Variants in GSPT1 observed in about 807,000 individuals in gnomAD.
The protein encoded by GSPT1 is G1 to S phase transition 1, also known as eukaryotic peptide chain release factor GTP-binding subunit ERF3A.
In GSPT1, 20 loss-of-function variants were observed where a neutral mutation model predicts 72.5. That is an observed-to-expected ratio of 0.28 (90% CI 0.19 to 0.40). GSPT1 has a LOEUF of 0.40. GSPT1 is among the 10% of genes least tolerant of loss of function. The probability of loss-of-function intolerance (pLI) is 1.00; values close to 1 mark genes in which losing one functional copy is unlikely to be tolerated. For missense variants in GSPT1, 580 were observed against 811.9 expected (o/e 0.71, Z 3.47); for synonymous variants, 334 against 293.5 (o/e 1.14, Z -1.41).
chr16:11,884,514 C>T (rs1249613991), intron 10 of GSPT1, among the ~76,000 whole-genome samples: 2 of 152,216 alleles, frequency 1.3e-5, no homozygotes, highest in African/African-American at 2.4e-5. Context: ...AAGCCCAGCA[C>T]TTTGGGAAGC....
intron 1 of GSPT1, among the ~76,000 whole-genome samples, chr16:11,904,363 T>C (rs1435794384): frequency 6.6e-6 from 1 of 151,936 alleles, no homozygotes; most frequent in Non-Finnish European, 1.5e-5. Context: ...CCACCACGCC[T>C]GGGTAATTTT....
chr16:11,883,970 T>C (rs2054156599), intron 10 of GSPT1, among the ~76,000 whole-genome samples: 1 of 151,558 alleles, frequency 6.6e-6, no homozygotes, highest in Non-Finnish European at 1.5e-5. Context: ...AGATCTGAAC[T>C]GTTTGTACAA....
At chr16:11,914,970 G>A (rs906867690) in intron 1 of GSPT1, 2 of 1,270,024 alleles carry the variant, frequency 1.6e-6, no homozygotes, top group Non-Finnish European at 2.1e-6. Context: ...CCCAACTCCT[G>A]GGATCTCTAA....
chr16:11,897,183 TTC>T (rs916968089), intron 3 of GSPT1, among the ~76,000 whole-genome samples: 13 of 152,226 alleles, frequency 8.5e-5, no homozygotes, highest in African/African-American at 3.1e-4. Context: ...AGGAAATATT[TTC>T]TTTTTCCTCT....
intron 1 of GSPT1, among the ~76,000 whole-genome samples, chr16:11,902,404 C>CAAAA (rs775362322): frequency 4.1e-4 from 25 of 61,498 alleles, no homozygotes; most frequent in African/African-American, 9.4e-4. Flanking sequence ...GACTCTGTCT[C>CAAAA]AAAAAAAAAA....
chr16:11,887,689 C>T lies in GSPT1; in HGVS notation c.838G>A (p.Val280Met). ...TCGGTTTCAAAATAGGCACGACCCA[C>T]TTCTACTGTTTTACCCTTGTCTCGT... ...EERDKGKTVEVGRAYFETEKK... is the reference protein window; with the variant it reads ...EERDKGKTVEMGRAYFETEKK... Residue 280 changes from valine to methionine, a missense_variant, in exon 7 of 15, where the codon GTG becomes ATG. Around this residue, in one of 6 missense-constraint regions of GSPT1, gnomAD observed 51 missense variants for 118.2 expected, o/e 0.43. Transcript: ENST00000434724. The T allele has an allele frequency of 6.2e-7, 1 of 1,613,354 alleles. No individual in the cohort carries two copies. The highest frequency in any genetic ancestry group is 8.5e-7 in the Non-Finnish European group (1 of 1,179,286).
chr16:11,882,968 GA>G (rs745861032), intron 11 of GSPT1, 46 bp downstream of exon 11: 8 of 1,265,314 alleles, frequency 6.3e-6, no homozygotes, highest in East Asian at 4.6e-5. Context: ...TAAAGAAAAA[GA>G]AAAAAAATCA....
chr16:11,876,314 G>A (rs2054045655), intron 12 of GSPT1, 139 bp from the exon 13 acceptor site: 2 of 672,438 alleles, frequency 3.0e-6, no homozygotes, highest in East Asian at 2.6e-5. Flanking sequence ...TGTGTTAGAG[G>A]TGATAGGTTT....
intron 14 of GSPT1, 48 bp from the exon 15 acceptor site, chr16:11,873,219 T>C (rs2053997956): frequency 2.3e-6 from 2 of 869,508 alleles, no homozygotes; most frequent in Non-Finnish European, 3.8e-6. Context: ...ACAGCAAGTC[T>C]ATATAAGATA....
intron 1 of GSPT1, chr16:11,914,961 C>G (rs1321605809): frequency 1.3e-5 from 16 of 1,247,550 alleles, no homozygotes; most frequent in Non-Finnish European, 1.7e-5. Flanking sequence ...TTCGTCCTCC[C>G]CAACTCCTGG....
rs1320298446 is a variant in GSPT1 at position 11,871,546 on chromosome 16, G to A, written c.*1573C>T. On this transcript the variant is annotated 3_prime_UTR_variant, in exon 15 of 15. Coordinates refer to ENST00000434724, the MANE Select transcript of GSPT1 (RefSeq NM_002094.4). The stretch of plus-strand genomic sequence containing the variant: ...CGAGCCACTGCACTCCAGCCTAGGT[G>A]ACAGAGTGAGCCTCTGTCTCAAAAC... 2 of 152,178 alleles carry A rather than the reference G, an allele frequency of 1.3e-5. No individual in the cohort carries two copies. Among genetic ancestry groups the A allele is most frequent in the South Asian group, 2.1e-4 (1 of 4,832 alleles). The allele number at this position is 152,178 out of a possible 1,614,324, so 9.4% of individuals were successfully genotyped here.
chr16:11,878,147 C>A (rs747863624), intron 11 of GSPT1, among the ~76,000 whole-genome samples: 2 of 152,114 alleles, frequency 1.3e-5, no homozygotes, highest in Admixed American at 6.5e-5. Flanking sequence ...CAGAGTTTTG[C>A]TCTTGTTGCC....
At chr16:11,914,778 T>G (rs995776388) in intron 1 of GSPT1, among the ~76,000 whole-genome samples, 19 of 152,324 alleles carry the variant, frequency 1.2e-4, no homozygotes, top group East Asian at 7.7e-4. Context: ...AAACAGATCT[T>G]GGTATTGATA....
intron 1 of GSPT1, among the ~76,000 whole-genome samples, chr16:11,901,136 G>A (rs188890534): frequency 2.4e-4 from 37 of 152,082 alleles, no homozygotes; most frequent in African/African-American, 7.0e-4. Context: ...CAGCCTGGGC[G>A]AGAGAGTGAC....
chr16:11,900,225 C>G (rs368325098), intron 1 of GSPT1, among the ~76,000 whole-genome samples: 1 of 151,578 alleles, frequency 6.6e-6, no homozygotes, highest in Non-Finnish European at 1.5e-5. Context: ...CCCAGCTACT[C>G]GGGAGGCCAA....
In GSPT1 at chr16:11,873,167, CT is replaced by C; in HGVS notation, c.1865del (p.Lys622ArgfsTer9). The C allele has an allele frequency of 6.4e-7, 1 of 1,558,398 alleles. No homozygotes were observed. Among genetic ancestry groups the C allele is most frequent in the Non-Finnish European group, 8.8e-7 (1 of 1,130,618 alleles). ...MGRFTLRDEG[K>X]TIAIGKVLKL... ...TCAGAACTTTTCCAATTGCAATGGTCTTACCTAGAAATGAAATTTTAAAAAA... is the reference window on the plus strand; with the variant it reads ...TCAGAACTTTTCCAATTGCAATGGTCTACCTAGAAATGAAATTTTAAAAAA... On this transcript the variant is annotated frameshift_variant, in exon 15 of 15. Coordinates refer to ENST00000434724, the MANE Select transcript of GSPT1 (RefSeq NM_002094.4). LOFTEE classifies it high-confidence loss of function.
intron 10 of GSPT1, among the ~76,000 whole-genome samples, chr16:11,884,066 C>G (rs2054157744): frequency 6.6e-6 from 1 of 152,086 alleles, no homozygotes; most frequent in Admixed American, 6.5e-5. Context: ...TAGAACGGAG[C>G]TAATTAAAGA....
intron 2 of GSPT1, 21 bp from the exon 3 acceptor site, chr16:11,897,902 TA>T: frequency 6.7e-7 from 1 of 1,503,326 alleles, no homozygotes; most frequent in Non-Finnish European, 9.1e-7. Context: ...GATTGAAATA[TA>T]ATATATATTT....
rs2053968318 is a variant in GSPT1, at chr16:11,870,665, A to T, written c.*2454T>A. 1 of 152,244 alleles carries T rather than the reference A, an allele frequency of 6.6e-6. No homozygotes were observed. Among genetic ancestry groups the T allele is most frequent in the African/African-American group, 2.4e-5 (1 of 41,462 alleles). The allele number at this position is 152,244 out of a possible 1,614,324, so 9.4% of individuals were successfully genotyped here. On this transcript the variant is annotated 3_prime_UTR_variant, in exon 15 of 15. Coordinates refer to ENST00000434724, the MANE Select transcript of GSPT1 (RefSeq NM_002094.4). ...CAAATGAACAGCCTGTGTAAGCAGG[A>T]TTGAAAATGCATCAACTTTAAAAAG... is the stretch of plus-strand genomic sequence containing the variant.
Sources: allele counts gnomAD v4.1 joint callset (sites outside exome capture counted in the v4.1 genomes callset), GRCh38; gene constraint gnomAD v4.1.1; regional missense constraint gnomAD v4.1.1; transcripts MANE v1.5; gene names NCBI Gene and HGNC (gene_info 2026-07-23, HGNC 2026-07-21).